FHOD3: variants seen among roughly 807,000 people sequenced by gnomAD.
FHOD3 encodes the protein FH1/FH2 domain-containing protein 3.
In FHOD3, 90 loss-of-function variants were observed where a neutral mutation model predicts 173.0. The ratio of observed to expected loss-of-function variants is 0.52; its 90% confidence interval spans 0.44 to 0.62. The LOEUF is 0.62. Ranked by LOEUF, FHOD3 falls within the 20% of genes least tolerant of loss-of-function variation. The pLI, the probability that FHOD3 is intolerant of heterozygous loss-of-function variation, is 0.00. For synonymous variants in FHOD3, 828 were observed against 823.0 expected (o/e 1.01, Z -0.10); for missense variants, 1,945 against 2,034.7 (o/e 0.96, Z 0.85).
intron 10 of FHOD3, among the ~76,000 whole-genome samples, chr18:36,644,822 G>C (rs2035570394): frequency 6.6e-6 from 1 of 152,238 alleles, no homozygotes; most frequent in African/African-American, 2.4e-5. Context: ...GGGCTCAAAA[G>C]TGGTGACTCT....
At chr18:36,599,675 G>C (rs542688841) in intron 7 of FHOD3, among the ~76,000 whole-genome samples, 69 of 152,282 alleles carry the variant, frequency 4.5e-4, no homozygotes, top group African/African-American at 1.6e-3. Context: ...AAGTAAGAGG[G>C]GAGAAGTATT....
chr18:36,738,924 A>G (rs2041773493), intron 20 of FHOD3, among the ~76,000 whole-genome samples: 1 of 152,202 alleles, frequency 6.6e-6, no homozygotes, highest in Non-Finnish European at 1.5e-5. Flanking sequence ...TTTACCGTGT[A>G]ACTTTTAGAA....
At chr18:36,312,219 A>C (rs76501306) in intron 1 of FHOD3, among the ~76,000 whole-genome samples, 198 of 152,206 alleles carry the variant, frequency 1.3e-3, no homozygotes, top group Non-Finnish European at 2.1e-3. Context: ...GTTCTGTTTG[A>C]TGGTGCGGTA....
chr18:36,679,081 A>G (rs1204115301), intron 14 of FHOD3, among the ~76,000 whole-genome samples: 1 of 152,138 alleles, frequency 6.6e-6, no homozygotes, highest in Non-Finnish European at 1.5e-5. Flanking sequence ...TTTGTAATTA[A>G]TTAACTCAAT....
chr18:36,718,652 G>A lies in FHOD3; in HGVS notation c.3354G>A (p.Lys1118=). ...EFLWSKLEPI[K]VDTSRLEHLF... is the part of the protein sequence containing the mutation. The stretch of plus-strand genomic sequence containing the variant: ...TGTGGTCAAAACTGGAACCCATTAA[G>A]GTGGACACTTCCAGACTGGAGCACC... The change falls in exon 19 of 29, where the codon AAG becomes AAA. Residue 1118 remains lysine, a synonymous_variant. Coordinates refer to ENST00000590592, the MANE Select transcript of FHOD3 (RefSeq NM_001281740.3). The A allele has an allele frequency of 1.2e-6, 2 of 1,614,200 alleles. No homozygotes were observed. Among genetic ancestry groups the A allele is most frequent in the Non-Finnish European group, 1.7e-6 (2 of 1,180,052 alleles).
intron 5 of FHOD3, among the ~76,000 whole-genome samples, chr18:36,573,211 G>A (rs1279404543): frequency 6.7e-6 from 1 of 149,992 alleles, no homozygotes; most frequent in Non-Finnish European, 1.5e-5. Flanking sequence ...GCTCATGTTA[G>A]AAAGCTGGGA....
At chr18:36,672,756 T>G (rs2037614359) in intron 14 of FHOD3, among the ~76,000 whole-genome samples, 1 of 152,240 alleles carries the variant, frequency 6.6e-6, no homozygotes, top group Non-Finnish European at 1.5e-5. Flanking sequence ...GCTAAAGATT[T>G]ATTGTGCAAT....
chr18:36,701,165 T>C (rs1162809863), intron 17 of FHOD3, among the ~76,000 whole-genome samples: 1 of 152,214 alleles, frequency 6.6e-6, no homozygotes, highest in East Asian at 1.9e-4. Flanking sequence ...AGCAGACTCA[T>C]GAATCTGCAG....
At chr18:36,317,192 A>G (rs1189972322) in intron 1 of FHOD3, among the ~76,000 whole-genome samples, 1 of 152,152 alleles carries the variant, frequency 6.6e-6, no homozygotes, top group Non-Finnish European at 1.5e-5. Context: ...ATACATGTGC[A>G]TGTGTCTTTA....
rs1240285747 is a variant in FHOD3, at chr18:36,625,684, C to G, written c.1131C>G (p.Pro377=). ...GCATCAAGAGCACCCTGTCGGCCCC[C>G]ACCAGTCCCTGCTCCCAGTCAGCTC... The part of the protein sequence containing the change: ...VQSIKSTLSA[P]TSPCSQSAPS... Residue 377 remains proline, a synonymous_variant, in exon 10 of 29, where the codon CCC becomes CCG. Transcript: ENST00000590592. 6.2e-7 allele frequency: 1 copy of G among 1,611,570 alleles called. No individual in the cohort carries two copies. Among genetic ancestry groups the G allele is most frequent in the Admixed American group, 1.7e-5 (1 of 59,802 alleles).
chr18:36,636,420 G>C (rs1237879344), intron 10 of FHOD3, among the ~76,000 whole-genome samples: 2 of 152,146 alleles, frequency 1.3e-5, no homozygotes, highest in Non-Finnish European at 2.9e-5. Context: ...CTTCATTGAT[G>C]AAGGTTGAAC....
chr18:36,708,018 G>C (rs113991312), intron 17 of FHOD3, among the ~76,000 whole-genome samples: 1,543 of 152,166 alleles, frequency 0.01, 33 homozygotes, highest in African/African-American at 0.035. Context: ...GTGTATTCTC[G>C]ATCATTTTGC....
At chr18:36,532,373 C>T (rs1432180508) in intron 5 of FHOD3, among the ~76,000 whole-genome samples, 1 of 152,192 alleles carries the variant, frequency 6.6e-6, no homozygotes, top group East Asian at 1.9e-4. Flanking sequence ...GTCTCACCCT[C>T]CCTGGAAGAG....
At chr18:36,391,858 GTC>G (rs1474340194) in intron 3 of FHOD3, among the ~76,000 whole-genome samples, 4 of 152,260 alleles carry the variant, frequency 2.6e-5, no homozygotes, top group African/African-American at 9.6e-5. Flanking sequence ...CCTCCCCTGT[GTC>G]TGCTGACTCC....
intron 10 of FHOD3, among the ~76,000 whole-genome samples, chr18:36,642,026 C>T (rs549835271): frequency 4.6e-5 from 7 of 151,452 alleles, no homozygotes; most frequent in Non-Finnish European, 8.8e-5. Flanking sequence ...TTTTAGTAAA[C>T]GAATGCAGGA....
intron 21 of FHOD3, 44 bp downstream of exon 21, chr18:36,740,882 G>A (rs761841562): frequency 6.4e-7 from 1 of 1,564,510 alleles, no homozygotes; most frequent in Non-Finnish European, 8.7e-7. Flanking sequence ...CATCCACAGT[G>A]TTGAGAAAGG....
intron 3 of FHOD3, among the ~76,000 whole-genome samples, chr18:36,454,043 A>T (rs1412073169): frequency 1.3e-5 from 2 of 152,156 alleles, no homozygotes; most frequent in Non-Finnish European, 2.9e-5. Context: ...CTTTTATTTT[A>T]TTCTTCCCCA....
intron 14 of FHOD3, among the ~76,000 whole-genome samples, chr18:36,661,529 A>AG (rs1459814947): frequency 2.6e-5 from 4 of 152,180 alleles, no homozygotes; most frequent in African/African-American, 9.7e-5. Flanking sequence ...GTACAATACT[A>AG]GGAAGTTCTA....
rs148034584 is a variant in FHOD3 at position 36,402,951 on chromosome 18, C to T, written c.337+30207C>T. Among the ~76,000 whole-genome samples, 36 of 152,314 alleles carry T rather than the reference C, an allele frequency of 2.4e-4. 1 individual carries two copies. Among genetic ancestry groups the T allele is most frequent in the Admixed American group, 2.0e-3 (30 of 15,294 alleles). ...GTGGCCAACGGTGACGCAAGTTAGA[C>T]GCTTAAGCTGGCAAGGCCATAGGAA... On this transcript the variant is annotated intron_variant, in intron 3 of 28. Transcript: ENST00000590592.
Sources: gnomAD v4.1 joint callset for allele counts (sites outside exome capture counted in the v4.1 genomes callset) on GRCh38, gnomAD v4.1.1 for gene constraint, MANE v1.5 for transcripts, NCBI Gene and HGNC (gene_info 2026-07-23, HGNC 2026-07-21) for gene names.